The following ERC2 variants were observed in gnomAD, a reference collection of about 807,000 sequenced individuals.
ERC2 encodes ELKS/RAB6-interacting/CAST family member 2, also known as ERC protein 2.
In ERC2, 42 loss-of-function variants were observed where a neutral mutation model predicts 114.8. The observed-to-expected ratio is 0.37, with a 90% CI of 0.29 to 0.47. The LOEUF is 0.47. Among genes scored for constraint, ERC2 ranks in the 20% least tolerant of loss-of-function variants. The pLI is 0.99. For missense variants in ERC2, 939 were observed against 1,150.7 expected, an observed-to-expected ratio of 0.82 and a Z score of 2.66; for synonymous variants, 454 against 425.5, an observed-to-expected ratio of 1.07 and a Z score of -0.82.
intron 2 of ERC2, among the ~76,000 whole-genome samples, chr3:56,415,950 CTTTCT>C (rs2061135753): frequency 6.6e-6 from 1 of 152,224 alleles, no homozygotes; most frequent in South Asian, 2.1e-4. Context: ...ACAGCATTGA[CTTTCT>C]TTTGTCACCA....
intron 7 of ERC2, among the ~76,000 whole-genome samples, chr3:56,032,639 G>A (rs957510994): frequency 5.9e-5 from 9 of 151,808 alleles, no homozygotes; most frequent in African/African-American, 2.2e-4. Flanking sequence ...AGCATCAAGA[G>A]AAAAGTGATT....
At chr3:55,915,713 A>G (rs1020720951) in intron 13 of ERC2, among the ~76,000 whole-genome samples, 1 of 152,164 alleles carries the variant, frequency 6.6e-6, no homozygotes, top group African/African-American at 2.4e-5. Flanking sequence ...CTAGTAGTAC[A>G]TGTATACAGA....
At chr3:56,467,907 G>A (rs1354672446) in intron 1 of ERC2, among the ~76,000 whole-genome samples, 1 of 152,084 alleles carries the variant, frequency 6.6e-6, no homozygotes, top group African/African-American at 2.4e-5. Context: ...GGATCTGAGA[G>A]AAGAAAGGCG....
intron 17 of ERC2, among the ~76,000 whole-genome samples, chr3:55,583,399 TTTCCTTCCTTCC>T (rs568033136): frequency 0.013 from 1,131 of 87,006 alleles, 31 homozygotes; most frequent in African/African-American, 0.037. Context: ...TCCTTCCTTC[TTTCCTTCCTTCC>T]TTCCTTCCTT....
chr3:55,549,806 G>A (rs1226980048), intron 17 of ERC2, among the ~76,000 whole-genome samples: 1 of 151,964 alleles, frequency 6.6e-6, no homozygotes, highest in African/African-American at 2.4e-5. Context: ...TGCAGCAGCT[G>A]AAGCATCCTA....
chr3:55,764,072 G>C (rs571162898), intron 14 of ERC2, among the ~76,000 whole-genome samples: 186 of 152,202 alleles, frequency 1.2e-3, no homozygotes, highest in African/African-American at 4.2e-3. Flanking sequence ...TCCACTGTTT[G>C]CGTTTCTGTA....
chr3:56,332,425 G>T (rs1230941902), intron 2 of ERC2, among the ~76,000 whole-genome samples: 2 of 152,126 alleles, frequency 1.3e-5, no homozygotes, highest in Non-Finnish European at 2.9e-5. Context: ...CTATGAGTTG[G>T]CTAGATTTAC....
At chr3:56,183,315 CCT>C (rs892477199) in intron 3 of ERC2, among the ~76,000 whole-genome samples, 4 of 152,094 alleles carry the variant, frequency 2.6e-5, no homozygotes, top group African/African-American at 9.7e-5. Context: ...TTAAATTTAC[CCT>C]CTAGAGTGAG....
chr3:55,562,563 A>G (rs977587487), intron 17 of ERC2, among the ~76,000 whole-genome samples: 11 of 152,222 alleles, frequency 7.2e-5, no homozygotes. Context: ...CTGGGATGCC[A>G]TATAAGAAAA....
In ERC2 at chr3:56,013,990, A is replaced by C. The variant is rs73089166; in HGVS notation, c.1780-3401T>G. Among the ~76,000 whole-genome samples, 1,270 of 152,304 alleles carry C rather than the reference A, an allele frequency of 8.3e-3. 6 individuals carry two copies. The highest frequency in any genetic ancestry group is 0.017 in the Middle Eastern group (5 of 294). The stretch of plus-strand genomic sequence containing the variant: ...AGAGAACCTTGCCAGTTCCTATCCA[A>C]CGGTTTTATCTGTGCTTTCCAAATA... On this transcript the variant is annotated intron_variant, in intron 8 of 17. Coordinates refer to ENST00000288221, the MANE Select transcript of ERC2 (RefSeq NM_015576.3).
At chr3:55,939,403 C>A (rs967086008) in intron 13 of ERC2, among the ~76,000 whole-genome samples, 10 of 152,212 alleles carry the variant, frequency 6.6e-5, no homozygotes, top group African/African-American at 2.4e-4. Flanking sequence ...AAGAAAAGGG[C>A]TCCCTTTGTC....
At chr3:55,994,670 A>AAAAAAC (rs2071363759) in intron 10 of ERC2, among the ~76,000 whole-genome samples, 1 of 150,592 alleles carries the variant, frequency 6.6e-6, no homozygotes. Context: ...AAAAAAAAAA[A>AAAAAAC]AAGCCTCCCT....
intron 4 of ERC2, among the ~76,000 whole-genome samples, chr3:56,157,530 GC>G (rs1472290762): frequency 6.6e-6 from 1 of 152,142 alleles, no homozygotes. Flanking sequence ...ATTTTAGGGA[GC>G]CTAAAAAGAT....
intron 2 of ERC2, among the ~76,000 whole-genome samples, chr3:56,419,474 C>A (rs957021955): frequency 6.6e-6 from 1 of 152,212 alleles, no homozygotes; most frequent in Non-Finnish European, 1.5e-5. Flanking sequence ...AAATCCACCA[C>A]CTCCAGTATA....
intron 2 of ERC2, among the ~76,000 whole-genome samples, chr3:56,423,841 T>C (rs562115606): frequency 6.6e-6 from 1 of 152,344 alleles, no homozygotes; most frequent in South Asian, 2.1e-4. Flanking sequence ...CAGCTTTATC[T>C]GTGTGTCTGT....
At chr3:55,678,179 T>C (rs2061900940) in intron 17 of ERC2, among the ~76,000 whole-genome samples, 2 of 152,286 alleles carry the variant, frequency 1.3e-5, no homozygotes, top group African/African-American at 2.4e-5. Flanking sequence ...GATTTTGCAA[T>C]TGGAAGTAGG....
intron 7 of ERC2, among the ~76,000 whole-genome samples, chr3:56,041,108 G>A (rs919087058): frequency 1.3e-5 from 2 of 152,008 alleles, no homozygotes; most frequent in Admixed American, 1.3e-4. Context: ...TTTCTTGTAT[G>A]ACAGGTTTCT....
chr3:56,080,976 C>T lies in ERC2; in HGVS notation c.1482G>A (p.Ala494=), dbSNP rs561414069. 70 of 1,611,818 alleles carry T rather than the reference C, an allele frequency of 4.3e-5. No individual in the cohort carries two copies. The highest frequency in any genetic ancestry group is 6.7e-5 in the Admixed American group (4 of 59,614). ...CTTTTTCTTCCAGTCGTAATCTCAG[C>T]GCATCTACCTGAAATCAGGAAAAAG... The part of the protein sequence containing the change: ...RAAILQTEVD[A]LRLRLEEKES... Residue 494 remains alanine, a synonymous_variant, in exon 7 of 18, where the codon GCG becomes GCA. Coordinates refer to ENST00000288221, the MANE Select transcript of ERC2 (RefSeq NM_015576.3).
intron 17 of ERC2, among the ~76,000 whole-genome samples, chr3:55,587,235 C>A (rs1431916297): frequency 6.6e-6 from 1 of 152,136 alleles, no homozygotes; most frequent in African/African-American, 2.4e-5. Context: ...CTCACTGCAA[C>A]CTCTGCCTCT....
Sources: allele counts gnomAD v4.1 joint callset (sites outside exome capture counted in the v4.1 genomes callset), GRCh38; gene constraint gnomAD v4.1.1; transcripts MANE v1.5; gene names NCBI Gene and HGNC (gene_info 2026-07-23, HGNC 2026-07-21).